Variants in CXCR4 observed in about 807,000 individuals in gnomAD.
CXCR4 encodes the protein C-X-C chemokine receptor type 4.
Under a neutral mutation model 22.4 loss-of-function variants are expected in CXCR4, and 6 were observed. The observed-to-expected ratio is 0.27, with a 90% confidence interval of 0.15 to 0.53. CXCR4 has a LOEUF of 0.53. Ranked by LOEUF, CXCR4 falls within the 20% of genes least tolerant of loss-of-function variation. The pLI is 0.96. For missense variants in CXCR4, 300 were observed against 430.4 expected, an observed-to-expected ratio of 0.70 and a Z score of 2.68; for synonymous variants, 155 against 171.7, an observed-to-expected ratio of 0.90 and a Z score of 0.76.
At chr2:136,117,192 C>G in intron 1 of CXCR4, among the ~76,000 whole-genome samples, 1 of 152,162 alleles carries the variant, frequency 6.6e-6, no homozygotes, top group African/African-American at 2.4e-5. Flanking sequence ...GCCCCTCACC[C>G]CGTACCCGCT....
At position 136,115,102 on chromosome 2, in the gene CXCR4, A is replaced by T. The variant is rs751975722; in HGVS notation, c.826T>A (p.Phe276Ile). The T allele has an allele frequency of 1.9e-6, 3 of 1,614,062 alleles. No homozygotes were observed. The East Asian group carries it at 6.7e-5, about 36-fold the overall frequency. The change falls in exon 2 of 2, where the codon TTT becomes ATT. Residue 276 changes from phenylalanine (F) to isoleucine (I), a missense_variant. Transcript: ENST00000241393. This position sits in a 1 kb window ranked among gnomAD's most constrained non-coding sequence, Gnocchi z 6.4. ...ATCCACTTGTGCACAGTGTTCTCAA[A>T]CTCACACCCTTGCTTGATGATTTCC... ...LLEIIKQGCE[F>I]ENTVHKWISI...
intron 1 of CXCR4, among the ~76,000 whole-genome samples, chr2:136,117,328 G>A (rs1684927240): frequency 6.9e-6 from 1 of 144,346 alleles, no homozygotes; most frequent in Non-Finnish European, 1.5e-5. Context: ...CGGCCGTGGG[G>A]AAGAGGCGCG....
chr2:136,116,362 C>A (rs1684890087), intron 1 of CXCR4: 7 of 387,740 alleles, frequency 1.8e-5, no homozygotes, highest in Admixed American at 6.2e-5. Context: ...GTTTTTCGCC[C>A]AGGGAGGGAA....
chr2:136,115,251 A>G lies in CXCR4; in HGVS notation c.677T>C (p.Leu226Pro). 6.2e-7 allele frequency: 1 copy of G among 1,614,146 alleles called. No individual in the cohort carries two copies. Among genetic ancestry groups the G allele is most frequent in the Non-Finnish European group, 8.5e-7 (1 of 1,180,036 alleles). The change falls in exon 2 of 2, where the codon CTG (leucine) becomes CCG (proline). Residue 226 changes from leucine to proline, a missense_variant. By Grantham distance (98) the Leu-to-Pro change is moderately conservative (BLOSUM62 -3). This residue lies in a region of CXCR4 where 137 missense variants were observed against 153.2 expected (regional missense o/e 0.89). Coordinates refer to ENST00000241393, the MANE Select transcript of CXCR4 (RefSeq NM_003467.3). This position sits in a 1 kb window ranked among gnomAD's most constrained non-coding sequence, Gnocchi z 6.4. ...LSCYCIIISK[L>P]SHSKGHQKRK... is the part of the protein sequence containing the mutation. Reference sequence around the variant, plus strand: ...CTTCTGGTGGCCCTTGGAGTGTGACAGCTTGGAGATGATAATGCAATAGCA... The same window carrying G: ...CTTCTGGTGGCCCTTGGAGTGTGACGGCTTGGAGATGATAATGCAATAGCA...
Position 136,116,254 on chromosome 2 carries a change from G to A in CXCR4, c.16-342C>T, listed in dbSNP as rs923351074. The A allele has an allele frequency of 5.0e-6, 6 of 1,193,092 alleles. No homozygotes were observed. The African/African-American group carries it at 8.0e-5, about 16-fold the overall frequency. The allele number at this position is 1,193,092 out of a possible 1,614,324, so 73.9% of individuals were successfully genotyped here. A position where few individuals can be genotyped will look rare whatever the true frequency, so the allele number is the denominator to read the frequency against. On this transcript the variant is annotated intron_variant, in intron 1 of 1. Transcript: ENST00000241393. ...AGGGAAGAAAAAAAACCTTCCTTAGGAGGAAAAAAAAAATACACACAAAGA... is the reference window on the plus strand; with the variant it reads ...AGGGAAGAAAAAAAACCTTCCTTAGAAGGAAAAAAAAAATACACACAAAGA...
rs753921469 is a variant in CXCR4, at chr2:136,115,288, C to T, written c.640G>A (p.Val214Ile). ...ATAATGCAATAGCAGGACAGGATGA[C>T]AATACCAGGCAGGATAAGGCCAACC... ...IMVGLILPGI[V>I]ILSCYCIIIS... Residue 214 changes from valine to isoleucine, a missense_variant, in exon 2 of 2, where the codon GTC becomes ATC. Around this residue, in one of 3 missense-constraint regions of CXCR4, gnomAD observed 137 missense variants for 153.2 expected, o/e 0.89. Transcript: ENST00000241393. The surrounding 1 kb of genome is among the most constrained non-coding windows in gnomAD (Gnocchi z 6.4). 2.5e-6 allele frequency: 4 copies of T among 1,614,108 alleles called. No individual in the cohort carries two copies. The East Asian group carries it at 8.9e-5, about 36-fold the overall frequency.
At position 136,114,677 on chromosome 2, in the gene CXCR4, C is replaced by T. The variant is rs1684832395; in HGVS notation, c.*192G>A. On this transcript the variant is annotated 3_prime_UTR_variant, in exon 2 of 2. Coordinates refer to ENST00000241393, the MANE Select transcript of CXCR4 (RefSeq NM_003467.3). The stretch of plus-strand genomic sequence containing the variant: ...AACTTGGCCACAGGTCCTGCCTAGA[C>T]ACACATCAATATGAAACAAAAAAAA... 3 of 509,556 alleles carry T rather than the reference C, an allele frequency of 5.9e-6. No homozygotes were observed. 31.6% of individuals were successfully genotyped at this position (509,556 alleles called of 1,614,324 possible).
intron 1 of CXCR4, chr2:136,116,351 A>T: frequency 4.3e-6 from 2 of 466,724 alleles, no homozygotes; most frequent in Non-Finnish European, 5.8e-6. Context: ...TTTTGTAAGA[A>T]GTTTTTCGCC....
intron 1 of CXCR4, among the ~76,000 whole-genome samples, chr2:136,117,036 G>C (rs1684916368): frequency 1.3e-5 from 2 of 152,344 alleles, no homozygotes; most frequent in East Asian, 3.9e-4. Flanking sequence ...AAACTCCCTA[G>C]CAAGAGGGTT....
rs1312723394 is a variant in CXCR4 at position 136,115,968 on chromosome 2, A to G, written c.16-56T>C. ...CTTCCAATTCAGCAAGCATTAACCCAGTTAAAAAAAATTTTTAAAGCAATT... is the reference window on the plus strand; with the variant it reads ...CTTCCAATTCAGCAAGCATTAACCCGGTTAAAAAAAATTTTTAAAGCAATT... On this transcript the variant is annotated intron_variant, in intron 1 of 1. Coordinates refer to ENST00000241393, the MANE Select transcript of CXCR4 (RefSeq NM_003467.3). The surrounding 1 kb of genome is among the most constrained non-coding windows in gnomAD (Gnocchi z 6.4). 1.2e-6 allele frequency: 2 copies of G among 1,613,282 alleles called. No homozygotes were observed. The highest frequency in any genetic ancestry group is 1.7e-6 in the Non-Finnish European group (2 of 1,179,896).
Position 136,115,513 on chromosome 2 carries a change from C to G in CXCR4, c.415G>C (p.Val139Leu). Residue 139 changes from valine to leucine, a missense_variant, in exon 2 of 2, where the codon GTC becomes CTC. Val to Leu is a conservative substitution (Grantham distance 32, BLOSUM62 1). Around this residue, in one of 3 missense-constraint regions of CXCR4, gnomAD observed 118 missense variants for 188.2 expected, o/e 0.63. Transcript: ENST00000241393. The surrounding 1 kb of genome is among the most constrained non-coding windows in gnomAD (Gnocchi z 6.4). ...GGCCTCTGACTGTTGGTGGCGTGGA[C>G]GATGGCCAGGTAGCGGTCCAGACTG... ...FISLDRYLAI[V>L]HATNSQRPRK... 1 of 1,614,172 alleles carries G rather than the reference C, an allele frequency of 6.2e-7. No homozygotes were observed. Among genetic ancestry groups the G allele is most frequent in the Non-Finnish European group, 8.5e-7 (1 of 1,180,016 alleles).
Position 136,114,838 on chromosome 2 carries a change from A to G in CXCR4, c.*31T>C. ...TGTGTAACTTAAAAAAAAGTTATTT[A>G]TCGTATAAAAAAAAGTCTTTTACAT... On this transcript the variant is annotated 3_prime_UTR_variant, in exon 2 of 2. Coordinates refer to ENST00000241393, the MANE Select transcript of CXCR4 (RefSeq NM_003467.3). 6.4e-7 allele frequency: 1 copy of G among 1,553,438 alleles called. No homozygotes were observed. Among genetic ancestry groups the G allele is most frequent in the South Asian group, 1.2e-5 (1 of 86,436 alleles).
In CXCR4 at chr2:136,115,745, C is replaced by G; in HGVS notation, c.183G>C (p.Leu61=). The change falls in exon 2 of 2, where the codon CTG becomes CTC. Residue 61 remains leucine (L), a synonymous_variant. Transcript: ENST00000241393. This position sits in a 1 kb window ranked among gnomAD's most constrained non-coding sequence, Gnocchi z 6.4. ...TGIVGNGLVI[L]VMGYQKKLRS... The stretch of plus-strand genomic sequence containing the variant: ...TCAGTTTCTTCTGGTAACCCATGAC[C>G]AGGATGACCAATCCATTGCCCACAA... 1 of 1,614,202 alleles carries G rather than the reference C, an allele frequency of 6.2e-7. No individual in the cohort carries two copies. The highest frequency in any genetic ancestry group is 1.1e-5 in the South Asian group (1 of 91,078).
At chr2:136,116,556 T>C (rs570432124) in intron 1 of CXCR4, among the ~76,000 whole-genome samples, 37 of 152,220 alleles carry the variant, frequency 2.4e-4, no homozygotes, top group African/African-American at 8.9e-4. Flanking sequence ...TGGGGTATAT[T>C]GGGCGGGAGT....
chr2:136,114,500 C>G lies in CXCR4; in HGVS notation c.*369G>C. On this transcript the variant is annotated 3_prime_UTR_variant, in exon 2 of 2. Transcript: ENST00000241393. ...GCCATCTTCTACAGCAAAATCACGT[C>G]TTAAGAACAGGAAAAACGTTCCACG... 1 of 250,798 alleles carries G rather than the reference C, an allele frequency of 4.0e-6. No homozygotes were observed. Among genetic ancestry groups the G allele is most frequent in the Non-Finnish European group, 7.8e-6 (1 of 127,676 alleles). The allele number at this position is 250,798 out of a possible 1,614,324, so 15.5% of individuals were successfully genotyped here.
intron 1 of CXCR4, among the ~76,000 whole-genome samples, chr2:136,116,404 CG>C: frequency 6.9e-6 from 1 of 145,492 alleles, no homozygotes; most frequent in South Asian, 2.2e-4. Context: ...GGGGGGAGGG[CG>C]GGGGCGTTGC....
chr2:136,117,697 C>T (rs2104921573), intron 1 of CXCR4: 1 of 227,792 alleles, frequency 4.4e-6, no homozygotes, highest in Middle Eastern at 1.5e-3. Context: ...GTCTGAGTCC[C>T]GAGGCAGCGC....
chr2:136,116,548 G>A lies in CXCR4; in HGVS notation c.16-636C>T, dbSNP rs17848056. On this transcript the variant is annotated intron_variant, in intron 1 of 1. Transcript: ENST00000241393. ...TAAAACGAAGGCCCTTCGGTGCTTG[G>A]GGTATATTGGGCGGGAGTGTCAGAA... 0.047 allele frequency among the ~76,000 whole-genome samples: 7,081 copies of A among 152,180 alleles called. 512 individuals are homozygous for A. The highest frequency in any genetic ancestry group is 0.16 in the African/African-American group (6,468 of 41,470).
In CXCR4 at chr2:136,114,439, A is replaced by T. The variant is rs17848060; in HGVS notation, c.*430T>A. On this transcript the variant is annotated 3_prime_UTR_variant, in exon 2 of 2. Coordinates refer to ENST00000241393, the MANE Select transcript of CXCR4 (RefSeq NM_003467.3). ...ACCCACTCCTGAAAACTGAAAAACC[A>T]GCATTTCTATACCACTTTGGGCTTT... 424 of 236,024 alleles carry T rather than the reference A, an allele frequency of 1.8e-3. 1 individual carries two copies. Among genetic ancestry groups the T allele is most frequent in the African/African-American group, 8.4e-3 (379 of 45,170 alleles). The allele number at this position is 236,024 out of a possible 1,614,324, so 14.6% of individuals were successfully genotyped here.
Sources: allele counts gnomAD v4.1 joint callset (sites outside exome capture counted in the v4.1 genomes callset), GRCh38; gene constraint gnomAD v4.1.1; regional missense constraint gnomAD v4.1.1; non-coding constraint Gnocchi (gnomAD v3.1); transcripts MANE v1.5; gene names NCBI Gene and HGNC (gene_info 2026-07-23, HGNC 2026-07-21).